KIAA1958: variants seen among roughly 807,000 people sequenced by gnomAD.
KIAA1958 encodes KIAA1958.
A neutral mutation model predicts 47.2 loss-of-function variants in KIAA1958; 14 were observed. That is an observed-to-expected ratio of 0.30 (90% CI 0.20 to 0.46). The LOEUF is 0.46. Among genes scored for constraint, KIAA1958 ranks in the 20% least tolerant of loss-of-function variants. The pLI is 1.00. For synonymous variants in KIAA1958, 354 were observed against 353.3 expected (o/e 1.00, Z -0.02); for missense variants, 803 against 909.2 (o/e 0.88, Z 1.50).
chr9:112,582,858 A>G (rs1256891390), intron 2 of KIAA1958, among the ~76,000 whole-genome samples: 1 of 152,194 alleles, frequency 6.6e-6, no homozygotes, highest in Non-Finnish European at 1.5e-5. Context: ...TGACATGGAC[A>G]TGGCTGTCAC....
rs1188307292 is a variant in KIAA1958 at position 112,658,315 on chromosome 9, T to C, written c.1345-948T>C. Among the ~76,000 whole-genome samples, 3 of 152,350 alleles carry C rather than the reference T, an allele frequency of 2.0e-5. No homozygotes were observed. The East Asian group carries it at 5.8e-4, about 29-fold the overall frequency. On this transcript the variant is annotated intron_variant, in intron 3 of 3. Coordinates refer to ENST00000337530, the MANE Select transcript of KIAA1958 (RefSeq NM_133465.4). The stretch of plus-strand genomic sequence containing the variant: ...TCAGATGTCTTTCCCTACAGCACTA[T>C]GTCTAGTAACCAAATGTTCTGTGCA...
chr9:112,575,048 T>G lies in KIAA1958; in HGVS notation c.968T>G (p.Ile323Ser). 6.2e-7 allele frequency: 1 copy of G among 1,613,930 alleles called. No individual in the cohort carries two copies. Among genetic ancestry groups the G allele is most frequent in the Non-Finnish European group, 8.5e-7 (1 of 1,180,020 alleles). Reference sequence around the variant, plus strand: ...TCCCATCCTAACAAACAGATCAGTATCCCCTTGTCTGCCCTGCAGCTGCCT... The same window carrying G: ...TCCCATCCTAACAAACAGATCAGTAGCCCCTTGTCTGCCCTGCAGCTGCCT... ...STSHPNKQIS[I>S]PLSALQLPGQ... Residue 323 changes from isoleucine (I) to serine (S), a missense_variant, in exon 2 of 4, where the codon ATC becomes AGC. Physicochemically the swap from Ile to Ser is moderately radical, Grantham distance 142. Around this residue, in one of 2 missense-constraint regions of KIAA1958, gnomAD observed 761 missense variants for 829.3 expected, o/e 0.92. Transcript: ENST00000337530.
At chr9:112,626,327 T>C (rs1236287140) in intron 2 of KIAA1958, among the ~76,000 whole-genome samples, 1 of 152,182 alleles carries the variant, frequency 6.6e-6, no homozygotes, top group Non-Finnish European at 1.5e-5. Flanking sequence ...CAGATCATAG[T>C]TGAAAAAGTT....
intron 1 of KIAA1958, among the ~76,000 whole-genome samples, chr9:112,509,793 A>C (rs1441661152): frequency 1.3e-5 from 2 of 152,160 alleles, no homozygotes; most frequent in Non-Finnish European, 2.9e-5. Flanking sequence ...TTTTTGCTGA[A>C]AGTGGAGGGG....
intron 2 of KIAA1958, chr9:112,617,955 G>A (rs1268137879): frequency 1.2e-5 from 18 of 1,550,386 alleles, no homozygotes; most frequent in Non-Finnish European, 1.4e-5. Context: ...CGCAATTTCC[G>A]TGAGTTCCTC....
At chr9:112,544,123 A>G (rs1834989971) in intron 1 of KIAA1958, among the ~76,000 whole-genome samples, 1 of 152,114 alleles carries the variant, frequency 6.6e-6, no homozygotes, top group African/African-American at 2.4e-5. Flanking sequence ...CTTTCCCCAC[A>G]GCTTCACAGA....
At chr9:112,639,152 G>A (rs1160410043) in intron 2 of KIAA1958, among the ~76,000 whole-genome samples, 1 of 151,998 alleles carries the variant, frequency 6.6e-6, no homozygotes, top group Non-Finnish European at 1.5e-5. Flanking sequence ...CCCTCTAAAC[G>A]TCTATTCCTA....
intron 1 of KIAA1958, among the ~76,000 whole-genome samples, chr9:112,548,043 C>G (rs148742529): frequency 3.8e-4 from 56 of 148,932 alleles, no homozygotes; most frequent in African/African-American, 1.3e-3. Context: ...AGGTCTTGCC[C>G]TTTCTCCCAG....
At chr9:112,589,672 A>G (rs769184759) in intron 2 of KIAA1958, among the ~76,000 whole-genome samples, 17 of 152,168 alleles carry the variant, frequency 1.1e-4, no homozygotes, top group Non-Finnish European at 2.2e-4. Context: ...TGAAAGTAGG[A>G]TGGGATATGT....
In KIAA1958 at chr9:112,569,454, A is replaced by C. The variant is rs144468871; in HGVS notation, c.-24-4603A>C. Among the ~76,000 whole-genome samples, 1,005 of 152,308 alleles carry C rather than the reference A, an allele frequency of 6.6e-3. 9 individuals carry two copies. Among genetic ancestry groups the C allele is most frequent in the Middle Eastern group, 0.027 (8 of 294 alleles). ...ATTCATTAAAAGCTTCTGGAATGTC[A>C]TCTTGCTGAAAGGAATGCCAGTGCA... On this transcript the variant is annotated intron_variant, in intron 1 of 3. Coordinates refer to ENST00000337530, the MANE Select transcript of KIAA1958 (RefSeq NM_133465.4).
intron 1 of KIAA1958, among the ~76,000 whole-genome samples, chr9:112,568,054 A>G (rs1327943111): frequency 6.6e-6 from 1 of 151,022 alleles, no homozygotes; most frequent in Non-Finnish European, 1.5e-5. Flanking sequence ...TTTTATTTTT[A>G]TTTGAGAAAC....
chr9:112,550,524 ACAGAACT>A (rs1272236564), intron 1 of KIAA1958, among the ~76,000 whole-genome samples: 1 of 152,218 alleles, frequency 6.6e-6, no homozygotes, highest in Non-Finnish European at 1.5e-5. Context: ...AAAAGGACTC[ACAGAACT>A]CAGAAAGCTG....
At chr9:112,575,334 C>G in intron 2 of KIAA1958, 83 bp downstream of exon 2, 1 of 921,472 alleles carries the variant, frequency 1.1e-6, no homozygotes, top group South Asian at 1.9e-5. Context: ...ACCATTCACT[C>G]AGTTTGCTAG....
intron 1 of KIAA1958, among the ~76,000 whole-genome samples, chr9:112,555,192 G>A (rs1230324654): frequency 3.3e-5 from 5 of 152,198 alleles, no homozygotes; most frequent in African/African-American, 1.2e-4. Context: ...TTTGGAGGTG[G>A]TAGGCGTGGT....
chr9:112,658,524 T>C lies in KIAA1958; in HGVS notation c.1345-739T>C, dbSNP rs530372649. ...ACCAATAATAATAAGTGTGTATATA[T>C]AGATGTATTTGCAGACACACATGTA... On this transcript the variant is annotated intron_variant, in intron 3 of 3. Transcript: ENST00000337530. Among the ~76,000 whole-genome samples, 3 of 152,330 alleles carry C rather than the reference T, an allele frequency of 2.0e-5. No homozygotes were observed. In the East Asian group the frequency reaches 5.8e-4, roughly 29 times the overall value.
intron 1 of KIAA1958, among the ~76,000 whole-genome samples, chr9:112,548,108 A>G (rs1020539994): frequency 1.3e-5 from 2 of 150,100 alleles, no homozygotes; most frequent in Non-Finnish European, 2.9e-5. Context: ...GGCTCAAGCA[A>G]TCCTCCCACC....
chr9:112,497,557 A>G (rs1017784970), intron 1 of KIAA1958, among the ~76,000 whole-genome samples: 1 of 152,170 alleles, frequency 6.6e-6, no homozygotes, highest in Non-Finnish European at 1.5e-5. Context: ...AGTCTGTAGT[A>G]TTTTATTATG....
intron 2 of KIAA1958, among the ~76,000 whole-genome samples, chr9:112,636,755 T>C (rs1487029699): frequency 1.3e-5 from 2 of 152,194 alleles, no homozygotes; most frequent in African/African-American, 2.4e-5. Flanking sequence ...TTATGTTCTA[T>C]TTGTTCTTAT....
chr9:112,547,371 C>CT (rs1835058037), intron 1 of KIAA1958, among the ~76,000 whole-genome samples: 1 of 73,046 alleles, frequency 1.4e-5, no homozygotes, highest in Non-Finnish European at 2.7e-5. Flanking sequence ...GAGCAAGACT[C>CT]TGTCTCAAAA....
Sources: allele counts gnomAD v4.1 joint callset (sites outside exome capture counted in the v4.1 genomes callset), GRCh38; gene constraint gnomAD v4.1.1; regional missense constraint gnomAD v4.1.1; transcripts MANE v1.5; gene names NCBI Gene and HGNC (gene_info 2026-07-23, HGNC 2026-07-21).